SORCS2: variants seen among roughly 807,000 people sequenced by gnomAD.
SORCS2 encodes VPS10 domain-containing receptor SorCS2.
A neutral mutation model predicts 141.6 loss-of-function variants in SORCS2; 100 were observed. That is an observed-to-expected ratio of 0.71 (90% CI 0.60 to 0.83). The LOEUF (loss-of-function observed/expected upper bound fraction) is 0.83. SORCS2 is among the 40% of genes least tolerant of loss of function. The pLI, the probability that SORCS2 is intolerant of heterozygous loss-of-function variation, is 0.00. For missense variants in SORCS2, 1,646 were observed against 1,560.2 expected (o/e 1.05, Z -0.93); for synonymous variants, 789 against 676.9 (o/e 1.17, Z -2.57).
At chr4:7,605,776 GTGC>G (rs1210975988) in intron 3 of SORCS2, among the ~76,000 whole-genome samples, 1 of 152,018 alleles carries the variant, frequency 6.6e-6, no homozygotes, top group Non-Finnish European at 1.5e-5. Flanking sequence ...CTGTGGCTTG[GTGC>G]TGGTCCTGGG....
chr4:7,421,209 G>A (rs1022300378), intron 2 of SORCS2, among the ~76,000 whole-genome samples: 2 of 152,202 alleles, frequency 1.3e-5, no homozygotes, highest in Non-Finnish European at 2.9e-5. Flanking sequence ...GTCAGAGGGG[G>A]CACCCACCTG....
intron 2 of SORCS2, among the ~76,000 whole-genome samples, chr4:7,505,916 C>A (rs975636979): frequency 1.1e-4 from 16 of 152,192 alleles, no homozygotes; most frequent in Admixed American, 5.2e-4. Flanking sequence ...TGGTGTGGGA[C>A]GTGCCAAGCC....
chr4:7,313,607 T>C (rs1718346527), intron 1 of SORCS2, among the ~76,000 whole-genome samples: 1 of 152,184 alleles, frequency 6.6e-6, no homozygotes, highest in Non-Finnish European at 1.5e-5. Context: ...GGAAGGGCCA[T>C]AGATGAAACT....
chr4:7,264,573 T>C (rs1043498744), intron 1 of SORCS2, among the ~76,000 whole-genome samples: 1 of 152,168 alleles, frequency 6.6e-6, no homozygotes, highest in Admixed American at 6.5e-5. Context: ...CGTGGAGTGA[T>C]GGTGAGGTGA....
Position 7,733,318 on chromosome 4 carries a change from G to A in SORCS2, c.3109-4G>A, listed in dbSNP as rs1369848244. 6.4e-7 allele frequency: 1 copy of A among 1,550,886 alleles called. No homozygotes were observed. The highest frequency in any genetic ancestry group is 1.4e-5 in the African/African-American group (1 of 73,326). Reference sequence around the variant, plus strand: ...CTCACTCACTGTCCCCTCTGTGCTTGCAGAGGCTCGCCGCCATCCAGCAGG... The same window carrying A: ...CTCACTCACTGTCCCCTCTGTGCTTACAGAGGCTCGCCGCCATCCAGCAGG... On this transcript the variant is annotated splice_polypyrimidine_tract_variant and splice_region_variant and intron_variant, in intron 23 of 26. Coordinates refer to ENST00000507866, the MANE Select transcript of SORCS2 (RefSeq NM_020777.3).
intron 2 of SORCS2, among the ~76,000 whole-genome samples, chr4:7,421,520 G>A (rs986180885): frequency 1.3e-5 from 2 of 152,184 alleles, no homozygotes; most frequent in African/African-American, 2.4e-5. Context: ...TCTAGCCAGC[G>A]CCAGGGAATA....
At chr4:7,640,227 C>CGT (rs56071629) in intron 4 of SORCS2, among the ~76,000 whole-genome samples, 56,572 of 141,530 alleles carry the variant, frequency 0.4, 11,195 homozygotes, top group Middle Eastern at 0.58. Context: ...TGTGTATGAG[C>CGT]GTGTGTGTGT....
chr4:7,651,739 C>T (rs1366422677), intron 4 of SORCS2, among the ~76,000 whole-genome samples: 2 of 152,246 alleles, frequency 1.3e-5, no homozygotes, highest in Admixed American at 6.5e-5. Context: ...TAGCAACCTC[C>T]TCCCAACCCA....
intron 3 of SORCS2, among the ~76,000 whole-genome samples, chr4:7,558,042 T>G (rs974105011): frequency 4.6e-5 from 7 of 152,122 alleles, no homozygotes; most frequent in Non-Finnish European, 1.0e-4. Context: ...CCTACAACAC[T>G]AGAGCCGGAG....
At chr4:7,452,698 T>C (rs1728543558) in intron 2 of SORCS2, among the ~76,000 whole-genome samples, 1 of 152,196 alleles carries the variant, frequency 6.6e-6, no homozygotes, top group African/African-American at 2.4e-5. Flanking sequence ...AGTTTCTGCC[T>C]CTGTAGAATA....
chr4:7,549,158 C>A (rs529876220), intron 3 of SORCS2, among the ~76,000 whole-genome samples: 15 of 152,250 alleles, frequency 9.9e-5, no homozygotes, highest in African/African-American at 2.9e-4. Context: ...CACAGAGGAG[C>A]CCAGCAAGCG....
In SORCS2 at chr4:7,393,108, G is replaced by A. The variant is rs531077917; in HGVS notation, c.481-3180G>A. ...CGTGGGGTGATGCGTGCATCCTGAC[G>A]AGCCTTTGAAGTGATGAGTGGCAGC... On this transcript the variant is annotated intron_variant, in intron 1 of 26. Transcript: ENST00000507866. Among the ~76,000 whole-genome samples, 5 of 152,248 alleles carry A rather than the reference G, an allele frequency of 3.3e-5. No individual in the cohort carries two copies. In the East Asian group the frequency reaches 7.8e-4, roughly 24 times the overall value.
intron 14 of SORCS2, among the ~76,000 whole-genome samples, chr4:7,710,914 C>T (rs1160440151): frequency 6.6e-6 from 1 of 152,192 alleles, no homozygotes; most frequent in Admixed American, 6.5e-5. Context: ...GTCTGGGGCT[C>T]CTGAACCCCA....
intron 2 of SORCS2, among the ~76,000 whole-genome samples, chr4:7,421,682 AGTGACTGT>A (rs1726070091): frequency 6.6e-6 from 1 of 152,086 alleles, no homozygotes; most frequent in South Asian, 2.1e-4. Flanking sequence ...GGGGACAGCG[AGTGACTGT>A]GCACAGGCTC....
At chr4:7,531,405 C>T in intron 2 of SORCS2, 125 bp from the exon 3 acceptor site, 2 of 801,042 alleles carry the variant, frequency 2.5e-6, no homozygotes, top group Non-Finnish European at 4.1e-6. Flanking sequence ...GTGCCCAGGA[C>T]TGTACTCAGG....
At chr4:7,499,521 G>T (rs1361212156) in intron 2 of SORCS2, among the ~76,000 whole-genome samples, 1 of 152,138 alleles carries the variant, frequency 6.6e-6, no homozygotes, top group Non-Finnish European at 1.5e-5. Context: ...GGACTGAAAA[G>T]GATAGTTTTG....
At chr4:7,381,081 C>CAAAAAAA (rs1560235296) in intron 1 of SORCS2, among the ~76,000 whole-genome samples, 2 of 54,920 alleles carry the variant, frequency 3.6e-5, no homozygotes, top group African/African-American at 7.3e-5. Context: ...GACTCTGTCT[C>CAAAAAAA]CAAAAAAAAA....
At chr4:7,260,392 C>A (rs1049237096) in intron 1 of SORCS2, among the ~76,000 whole-genome samples, 1 of 152,218 alleles carries the variant, frequency 6.6e-6, no homozygotes, top group African/African-American at 2.4e-5. Context: ...CCTCCCCCCT[C>A]CCAGGAATGT....
At chr4:7,239,554 G>C (rs1302030404) in intron 1 of SORCS2, among the ~76,000 whole-genome samples, 1 of 152,224 alleles carries the variant, frequency 6.6e-6, no homozygotes, top group Admixed American at 6.5e-5. Flanking sequence ...ACTGCTGACT[G>C]TGAGCCTGGG....
Sources: gnomAD v4.1 joint callset for allele counts (sites outside exome capture counted in the v4.1 genomes callset) on GRCh38, gnomAD v4.1.1 for gene constraint, MANE v1.5 for transcripts, NCBI Gene and HGNC (gene_info 2026-07-23, HGNC 2026-07-21) for gene names.